Variants in ANKS1B observed in about 807,000 individuals in gnomAD.
The protein encoded by ANKS1B is ankyrin repeat and sterile alpha motif domain containing 1B.
ANKS1B carries 36 observed loss-of-function variants against 148.3 expected under a neutral mutation model. That is an observed-to-expected ratio of 0.24 (90% CI 0.19 to 0.32). The LOEUF (loss-of-function observed/expected upper bound fraction) is 0.32. Among genes scored for constraint, ANKS1B ranks in the 10% least tolerant of loss-of-function variants. ANKS1B has a pLI of 1.00. For synonymous variants in ANKS1B, 542 were observed against 560.8 expected (o/e 0.97, Z 0.47); for missense variants, 1,157 against 1,542.6 (o/e 0.75, Z 4.19).
At chr12:99,559,530 TG>T (rs1253977410) in intron 9 of ANKS1B, among the ~76,000 whole-genome samples, 1 of 152,106 alleles carries the variant, frequency 6.6e-6, no homozygotes, top group Non-Finnish European at 1.5e-5. Flanking sequence ...AGTTGCATGG[TG>T]GGGAAAAGAA....
chr12:99,168,256 C>CCTAT (rs2077391088), intron 14 of ANKS1B, among the ~76,000 whole-genome samples: 1 of 152,166 alleles, frequency 6.6e-6, no homozygotes, highest in African/African-American at 2.4e-5. Flanking sequence ...GTGGCTCACG[C>CCTAT]CTATAATCCC....
chr12:99,324,093 T>C (rs1344663462), intron 12 of ANKS1B, among the ~76,000 whole-genome samples: 2 of 152,180 alleles, frequency 1.3e-5, no homozygotes, highest in Non-Finnish European at 2.9e-5. Context: ...AGCAATGATA[T>C]CTATATAATA....
At chr12:99,541,653 G>A (rs1343528897) in intron 9 of ANKS1B, among the ~76,000 whole-genome samples, 2 of 152,006 alleles carry the variant, frequency 1.3e-5, no homozygotes. Context: ...TCAGGAGCTC[G>A]AGACCAGCCT....
Position 99,799,114 on chromosome 12 carries a change from A to G in ANKS1B, c.669+7290T>C, listed in dbSNP as rs538489164. ...CCTCTTTTAGGCACAATTTTTGCCT[A>G]GTTTTGTTACTGCTATATCCTCTGG... On this transcript the variant is annotated intron_variant, in intron 4 of 26. Coordinates refer to ENST00000683438, the MANE Select transcript of ANKS1B (RefSeq NM_001352186.2). Among the ~76,000 whole-genome samples the G allele has an allele frequency of 4.6e-5, 7 of 152,180 alleles. No individual in the cohort carries two copies. The East Asian group carries it at 1.4e-3, about 29-fold the overall frequency.
intron 15 of ANKS1B, among the ~76,000 whole-genome samples, chr12:99,094,656 G>A (rs1444797384): frequency 1.3e-5 from 2 of 152,278 alleles, no homozygotes; most frequent in South Asian, 2.1e-4. Flanking sequence ...CAGGTGCAAA[G>A]GCACTGAGGT....
intron 14 of ANKS1B, among the ~76,000 whole-genome samples, chr12:99,163,630 T>A (rs1169139535): frequency 6.6e-6 from 1 of 152,252 alleles, no homozygotes; most frequent in African/African-American, 2.4e-5. Flanking sequence ...TCTTCCTCCC[T>A]TTCCCATTTT....
chr12:98,945,853 A>G (rs2099844698), intron 17 of ANKS1B, among the ~76,000 whole-genome samples: 1 of 152,186 alleles, frequency 6.6e-6, no homozygotes, highest in South Asian at 2.1e-4. Context: ...ACCATCGGCA[A>G]AATCAATGGA....
chr12:98,864,815 C>T (rs1273583602), intron 17 of ANKS1B, among the ~76,000 whole-genome samples: 1 of 152,162 alleles, frequency 6.6e-6, no homozygotes, highest in African/African-American at 2.4e-5. Context: ...CAACACTCAC[C>T]CTGACTCTCA....
At chr12:99,946,141 T>C (rs1036140189) in intron 1 of ANKS1B, among the ~76,000 whole-genome samples, 6 of 152,142 alleles carry the variant, frequency 3.9e-5, no homozygotes, top group Non-Finnish European at 7.4e-5. Flanking sequence ...GACAGAGTTT[T>C]TAAAAAGACC....
rs113882709 is a variant in ANKS1B at position 99,095,881 on chromosome 12, G to T, written c.2527-10858C>A. 2.5e-3 allele frequency among the ~76,000 whole-genome samples: 377 copies of T among 152,204 alleles called. 1 individual carries two copies. Among genetic ancestry groups the T allele is most frequent in the African/African-American group, 8.1e-3 (338 of 41,542 alleles). ...CGTTGTGAATTTCTCATAAAAAGAT[G>T]ACTTGAAGGAATTTCTTTACTCTGG... is the stretch of plus-strand genomic sequence containing the variant. On this transcript the variant is annotated intron_variant, in intron 15 of 26. Transcript: ENST00000683438.
chr12:99,264,327 A>C (rs900836803), intron 12 of ANKS1B, among the ~76,000 whole-genome samples: 11 of 152,112 alleles, frequency 7.2e-5, no homozygotes, highest in Middle Eastern at 3.4e-3. Flanking sequence ...CCTGTGTTTT[A>C]TCTTTTCTCT....
chr12:99,649,320 G>A lies in ANKS1B; in HGVS notation c.1272+5747C>T, dbSNP rs777573565. On this transcript the variant is annotated intron_variant, in intron 9 of 26. Transcript: ENST00000683438. Reference sequence around the variant, plus strand: ...CCATGAAGTTTTGTGAAGAGAAGGAGCAATTCAGAATCAGTAGACTTCACA... The same window carrying A: ...CCATGAAGTTTTGTGAAGAGAAGGAACAATTCAGAATCAGTAGACTTCACA... The A allele has an allele frequency of 3.7e-6, 6 of 1,614,130 alleles. No individual in the cohort carries two copies. The South Asian group carries it at 5.5e-5, about 15-fold the overall frequency.
intron 8 of ANKS1B, among the ~76,000 whole-genome samples, chr12:99,741,242 CACAT>C: frequency 6.8e-6 from 1 of 146,708 alleles, no homozygotes; most frequent in Non-Finnish European, 1.5e-5. Flanking sequence ...CACACACACA[CACAT>C]CAGGAAACAA....
At chr12:99,168,011 G>C (rs537266140) in intron 14 of ANKS1B, among the ~76,000 whole-genome samples, 1 of 152,292 alleles carries the variant, frequency 6.6e-6, no homozygotes, top group East Asian at 1.9e-4. Context: ...TAAATATAGT[G>C]ACAGAAAACA....
chr12:99,447,180 T>G (rs1014874568), intron 10 of ANKS1B, among the ~76,000 whole-genome samples: 5 of 152,112 alleles, frequency 3.3e-5, no homozygotes, highest in Admixed American at 2.0e-4. Flanking sequence ...TATTTTTGGT[T>G]AATTTATTTC....
chr12:99,071,237 G>C (rs2046174088), intron 16 of ANKS1B, among the ~76,000 whole-genome samples: 1 of 152,158 alleles, frequency 6.6e-6, no homozygotes, highest in Non-Finnish European at 1.5e-5. Flanking sequence ...TCCTTGCACT[G>C]TGTCTTGGGA....
Position 99,341,909 on chromosome 12 carries a change from A to T in ANKS1B, c.1756+57722T>A, listed in dbSNP as rs150370098. On this transcript the variant is annotated intron_variant, in intron 12 of 26. Transcript: ENST00000683438. ...TACAATATTTAATAATTACTTCATT[A>T]CATGACTTCTCCTTAGAAGAATATG... 2.7e-3 allele frequency among the ~76,000 whole-genome samples: 416 copies of T among 152,288 alleles called. 3 individuals are homozygous for T. The highest frequency in any genetic ancestry group is 9.8e-3 in the African/African-American group (409 of 41,588).
rs80296325 is a variant in ANKS1B at position 98,797,744 on chromosome 12, C to T, written c.3342+1190G>A. Among the ~76,000 whole-genome samples the T allele has an allele frequency of 8.8e-3, 1,337 of 152,224 alleles. 18 individuals carry two copies. The highest frequency in any genetic ancestry group is 0.03 in the African/African-American group (1,245 of 41,538). Reference sequence around the variant, plus strand: ...TGAAGATTCACACATATTTAGCTTTCCATAAACAATGGATATTTCATGTTT... The same window carrying T: ...TGAAGATTCACACATATTTAGCTTTTCATAAACAATGGATATTTCATGTTT... On this transcript the variant is annotated intron_variant, in intron 22 of 26. Coordinates refer to ENST00000683438, the MANE Select transcript of ANKS1B (RefSeq NM_001352186.2).
intron 16 of ANKS1B, among the ~76,000 whole-genome samples, chr12:99,053,590 CATT>C (rs1437698946): frequency 1.3e-5 from 2 of 152,150 alleles, no homozygotes; most frequent in African/African-American, 4.8e-5. Context: ...CTGTCATAGA[CATT>C]ATTGGCATTC....
Sources: gnomAD v4.1 joint callset for allele counts (sites outside exome capture counted in the v4.1 genomes callset) on GRCh38, gnomAD v4.1.1 for gene constraint, MANE v1.5 for transcripts, NCBI Gene and HGNC (gene_info 2026-07-23, HGNC 2026-07-21) for gene names.